The following LINGO2 variants were observed in gnomAD, a reference collection of about 807,000 sequenced individuals.
LINGO2 encodes leucine rich repeat and Ig domain containing 2.
A neutral mutation model predicts 30.6 loss-of-function variants in LINGO2; 14 were observed. The observed-to-expected ratio is 0.46, with a 90% confidence interval of 0.30 to 0.72. The LOEUF is 0.72. LINGO2 is among the 30% of genes least tolerant of loss of function. The probability of loss-of-function intolerance (pLI) is 0.07; values close to 1 mark genes in which losing one functional copy is unlikely to be tolerated. For synonymous variants in LINGO2, 317 were observed against 288.5 expected, an observed-to-expected ratio of 1.10 and a Z score of -1.00; for missense variants, 729 against 751.7, an observed-to-expected ratio of 0.97 and a Z score of 0.35.
downstream of LINGO2, chr9:27,944,582 T>C (rs766184348): frequency 2.0e-5 from 3 of 152,128 alleles, no homozygotes; most frequent in Non-Finnish European, 2.9e-5. Context: ...GGCAGAATAA[T>C]TCCCAAACTC....
chr9:28,644,932 T>C (rs916097287), intron 1 of LINGO2, among the ~76,000 whole-genome samples: 1 of 151,928 alleles, frequency 6.6e-6, no homozygotes, highest in Non-Finnish European at 1.5e-5. Flanking sequence ...AAAAGTAGAG[T>C]CATTGCTATA....
chr9:28,155,922 G>A (rs978890722), intron 4 of LINGO2, among the ~76,000 whole-genome samples: 1 of 152,076 alleles, frequency 6.6e-6, no homozygotes, highest in African/African-American at 2.4e-5. Context: ...GAATCATCAG[G>A]CAACTTGATC....
intron 4 of LINGO2, among the ~76,000 whole-genome samples, chr9:28,084,817 GAAA>G (rs2133234129): frequency 6.6e-6 from 1 of 152,272 alleles, no homozygotes; most frequent in South Asian, 2.1e-4. Context: ...CCATGGGCCA[GAAA>G]GTCTGTATAA....
the LINGO2 span, among the ~76,000 whole-genome samples, chr9:29,080,408 G>T: frequency 4.6e-5 from 7 of 150,804 alleles, no homozygotes; most frequent in Non-Finnish European, 1.0e-4. Context: ...TGGATTCATT[G>T]ATTTTTTTTT....
At chr9:29,085,754 T>C in the LINGO2 span, among the ~76,000 whole-genome samples, 1 of 152,244 alleles carries the variant, frequency 6.6e-6, no homozygotes. Context: ...TTTAAGTTTA[T>C]GAGACAAATA....
chr9:28,205,425 C>A (rs1228063781), intron 4 of LINGO2, among the ~76,000 whole-genome samples: 1 of 152,168 alleles, frequency 6.6e-6, no homozygotes, highest in African/African-American at 2.4e-5. Context: ...CAATCCATTA[C>A]TCTTGGTCAT....
chr9:28,766,894 G>A, the LINGO2 span, among the ~76,000 whole-genome samples: 301 of 152,170 alleles, frequency 2.0e-3, 5 homozygotes, highest in African/African-American at 7.1e-3. Flanking sequence ...TGACAACACA[G>A]ATGAACATGG....
the LINGO2 span, among the ~76,000 whole-genome samples, chr9:28,770,371 T>C: frequency 6.6e-6 from 1 of 152,220 alleles, no homozygotes; most frequent in Non-Finnish European, 1.5e-5. Flanking sequence ...CCAATGGTTT[T>C]CTCTGCTTCT....
At chr9:28,891,817 AAT>A in the LINGO2 span, among the ~76,000 whole-genome samples, 1 of 151,952 alleles carries the variant, frequency 6.6e-6, no homozygotes, top group Non-Finnish European at 1.5e-5. Flanking sequence ...AAGTCACAGA[AAT>A]ACAAATATTT....
chr9:29,143,868 G>A, the LINGO2 span, among the ~76,000 whole-genome samples: 10 of 152,174 alleles, frequency 6.6e-5, no homozygotes, highest in South Asian at 2.1e-3. Context: ...GAATTGTATT[G>A]CCTAGATTTT....
rs185875458 is a variant in LINGO2 at position 27,996,959 on chromosome 9, A to G, written c.-36+15396T>C. ...CTTTTAAAAATTTGTATTTTCACAT[A>G]CACACATGACATACCTATTATTTTC... is the stretch of plus-strand genomic sequence containing the variant. On this transcript the variant is annotated intron_variant, in intron 5 of 5. Transcript: ENST00000379992. Among the ~76,000 whole-genome samples the G allele has an allele frequency of 3.3e-3, 504 of 152,350 alleles. 2 individuals are homozygous for G. The highest frequency in any genetic ancestry group is 0.012 in the African/African-American group (479 of 41,584).
At chr9:28,242,198 A>T (rs999699123) in intron 4 of LINGO2, among the ~76,000 whole-genome samples, 1 of 152,180 alleles carries the variant, frequency 6.6e-6, no homozygotes, top group African/African-American at 2.4e-5. Flanking sequence ...GCATGTTCTA[A>T]CCCAATGCAA....
At chr9:28,679,297 T>C in the LINGO2 span, among the ~76,000 whole-genome samples, 2 of 152,108 alleles carry the variant, frequency 1.3e-5, no homozygotes, top group African/African-American at 2.4e-5. Flanking sequence ...GGCCAGACTT[T>C]AATCCAAGAA....
intron 3 of LINGO2, among the ~76,000 whole-genome samples, chr9:28,325,295 T>C (rs989848199): frequency 1.3e-5 from 2 of 152,144 alleles, no homozygotes; most frequent in African/African-American, 4.8e-5. Context: ...GTTACACAAC[T>C]TAGAAAAGTC....
rs562553075 is a variant in LINGO2 at position 28,387,797 on chromosome 9, AC to A, written c.-278-14930del. On this transcript the variant is annotated intron_variant, in intron 2 of 5. Transcript: ENST00000379992. ...ACCACCTTTATGAACTGTAACACTC[AC>A]TGCGAAGGTCTGCAGCTTCACTCCT... 6.2e-3 allele frequency among the ~76,000 whole-genome samples: 951 copies of A among 152,316 alleles called. 4 individuals are homozygous for A. Among genetic ancestry groups the A allele is most frequent in the Non-Finnish European group, 7.8e-3 (528 of 68,028 alleles).
the LINGO2 span, among the ~76,000 whole-genome samples, chr9:28,875,559 AG>A: frequency 6.6e-4 from 101 of 152,206 alleles, no homozygotes; most frequent in African/African-American, 2.4e-3. Flanking sequence ...GGATCCAAAA[AG>A]GGGCATATAT....
At chr9:29,059,211 C>T in the LINGO2 span, among the ~76,000 whole-genome samples, 2 of 151,562 alleles carry the variant, frequency 1.3e-5, no homozygotes, top group Non-Finnish European at 2.9e-5. Context: ...TTTCCCCACC[C>T]ATAGATGCAA....
At chr9:28,766,218 T>C in the LINGO2 span, among the ~76,000 whole-genome samples, 1 of 151,970 alleles carries the variant, frequency 6.6e-6, no homozygotes, top group Non-Finnish European at 1.5e-5. Flanking sequence ...TACTATCCAA[T>C]ATTTGTAAGG....
At chr9:28,319,395 A>T (rs1465375327) in intron 3 of LINGO2, among the ~76,000 whole-genome samples, 1 of 152,128 alleles carries the variant, frequency 6.6e-6, no homozygotes, top group Non-Finnish European at 1.5e-5. Context: ...CCACTCAGAT[A>T]ATTCAGGATA....
Sources: allele counts gnomAD v4.1 joint callset (sites outside exome capture counted in the v4.1 genomes callset), GRCh38; gene constraint gnomAD v4.1.1; transcripts MANE v1.5; gene names NCBI Gene and HGNC (gene_info 2026-07-23, HGNC 2026-07-21).